The following TBPL2 variants were observed in gnomAD, a reference collection of about 807,000 sequenced individuals.
The protein encoded by TBPL2 is TATA-box binding protein like 2.
In TBPL2, 40 loss-of-function variants were observed where a neutral mutation model predicts 38.2. The observed-to-expected ratio is 1.05, with a 90% CI of 0.81 to 1.36. The LOEUF is 1.36. Ranked by LOEUF, TBPL2 falls within the 40% of genes most tolerant of loss-of-function variation. The pLI is 0.00. For missense variants in TBPL2, 461 were observed against 456.7 expected (o/e 1.01, Z -0.09); for synonymous variants, 169 against 171.7 (o/e 0.98, Z 0.12).
At chr14:55,417,852 C>T (rs1885690473) in intron 6 of TBPL2, among the ~76,000 whole-genome samples, 1 of 152,132 alleles carries the variant, frequency 6.6e-6, no homozygotes. Flanking sequence ...GCCTGGTGCA[C>T]TAGAGAAAGG....
At chr14:55,423,692 C>G (rs116158393) in intron 6 of TBPL2, among the ~76,000 whole-genome samples, 2,312 of 152,160 alleles carry the variant, frequency 0.015, 56 homozygotes, top group African/African-American at 0.053. Flanking sequence ...ATTTCAGAGC[C>G]CATTCCTTTA....
intron 6 of TBPL2, among the ~76,000 whole-genome samples, chr14:55,420,174 G>A (rs542756569): frequency 2.0e-5 from 3 of 152,154 alleles, no homozygotes; most frequent in Non-Finnish European, 4.4e-5. Context: ...AGGTTCAAGC[G>A]ATTCTCCTGC....
intron 5 of TBPL2, among the ~76,000 whole-genome samples, chr14:55,424,964 A>C (rs1023963727): frequency 1.3e-5 from 2 of 152,200 alleles, no homozygotes; most frequent in Non-Finnish European, 2.9e-5. Context: ...GAGGTGAATA[A>C]AACTATTCTC....
chr14:55,430,769 C>T (rs145797516), intron 4 of TBPL2, among the ~76,000 whole-genome samples: 2 of 152,354 alleles, frequency 1.3e-5, no homozygotes, highest in East Asian at 1.9e-4. Context: ...TCTTCACCCA[C>T]TTCTCACTCT....
chr14:55,432,953 T>C (rs1176229315), intron 4 of TBPL2, among the ~76,000 whole-genome samples: 1 of 152,134 alleles, frequency 6.6e-6, no homozygotes, highest in South Asian at 2.1e-4. Flanking sequence ...CTTTAGAAAG[T>C]TCTATCCATT....
At chr14:55,424,404 G>A (rs757618894) in intron 5 of TBPL2, 151 bp from the exon 6 acceptor site, 10 of 551,386 alleles carry the variant, frequency 1.8e-5, no homozygotes, top group Non-Finnish European at 2.9e-5. Context: ...TTGATGAAGA[G>A]TCTTGAGTGT....
At chr14:55,438,056 G>A (rs1192857209) in intron 1 of TBPL2, among the ~76,000 whole-genome samples, 3 of 152,204 alleles carry the variant, frequency 2.0e-5, no homozygotes, top group Admixed American at 6.5e-5. Context: ...AAATCGATTA[G>A]CTTGATAAAT....
chr14:55,425,171 T>G (rs1460377114), intron 5 of TBPL2, among the ~76,000 whole-genome samples: 1 of 152,206 alleles, frequency 6.6e-6, no homozygotes, highest in African/African-American at 2.4e-5. Flanking sequence ...GAAGTGAGTC[T>G]TGCCCATCTC....
intron 5 of TBPL2, among the ~76,000 whole-genome samples, chr14:55,428,216 A>G (rs8016831): frequency 0.3 from 41,245 of 137,316 alleles, 7,454 homozygotes; most frequent in African/African-American, 0.55. Context: ...TGCAAGCTCC[A>G]CCTCCTGGGT....
At chr14:55,431,443 C>T (rs1885923898) in intron 4 of TBPL2, among the ~76,000 whole-genome samples, 1 of 152,184 alleles carries the variant, frequency 6.6e-6, no homozygotes, top group Non-Finnish European at 1.5e-5. Flanking sequence ...TACAATGTGA[C>T]CATCCTTTCA....
intron 6 of TBPL2, among the ~76,000 whole-genome samples, chr14:55,419,706 A>G (rs1885715302): frequency 6.6e-6 from 1 of 152,178 alleles, no homozygotes; most frequent in East Asian, 1.9e-4. Context: ...ACCATTTTAT[A>G]TGGATAAATT....
At chr14:55,422,885 A>G (rs1885766324) in intron 6 of TBPL2, among the ~76,000 whole-genome samples, 1 of 152,090 alleles carries the variant, frequency 6.6e-6, no homozygotes. Context: ...ACAACAATAT[A>G]TATAGCAACC....
intron 5 of TBPL2, among the ~76,000 whole-genome samples, chr14:55,427,947 C>T (rs2140172152): frequency 7.6e-6 from 1 of 132,266 alleles, no homozygotes; most frequent in Admixed American, 8.1e-5. Context: ...GGCGCGATCT[C>T]TCACTGCAAG....
rs1209608567 is a variant in TBPL2, at chr14:55,436,961, A to G, written c.208T>C (p.Tyr70His). The G allele has an allele frequency of 1.2e-6, 2 of 1,614,232 alleles. No individual in the cohort carries two copies. Among genetic ancestry groups the G allele is most frequent in the East Asian group, 2.2e-5 (1 of 44,890 alleles). The change falls in exon 2 of 7, where the codon TAC becomes CAC. Residue 70 changes from tyrosine (Y) to histidine (H), a missense_variant. Physicochemically the swap from Tyr to His is moderately conservative, Grantham distance 83. Coordinates refer to ENST00000247219, the Ensembl canonical transcript of TBPL2. ...TCCGGATTGGATGCATTCAGTATGTACATATCATAAGGTACAACTGGGCTG... is the reference window on the plus strand; with the variant it reads ...TCCGGATTGGATGCATTCAGTATGTGCATATCATAAGGTACAACTGGGCTG...
At position 55,433,723 on chromosome 14, in the gene TBPL2, T is replaced by C. The variant is rs1885971449; in HGVS notation, c.697-2A>G. 1 of 1,613,402 alleles carries C rather than the reference T, an allele frequency of 6.2e-7. No homozygotes were observed. The highest frequency in any genetic ancestry group is 1.3e-5 in the African/African-American group (1 of 74,888). On this transcript the variant is annotated splice_acceptor_variant, in intron 3 of 6. Transcript: ENST00000247219. LOFTEE classifies it high-confidence loss of function. ...CCTCATTATGACAGCAGCAAACCTC[T>C]ATACCCAGAAACCAAAAGAGAATTA...
At chr14:55,436,779 T>G in exon 2 of TBPL2, 7 of 1,614,214 alleles carry the variant, frequency 4.3e-6, no homozygotes, top group Non-Finnish European at 5.9e-6. Flanking sequence ...ACCTACTTTG[T>G]GGACTTTGGC....
chr14:55,428,709 TA>T (rs1430276201), intron 5 of TBPL2, 97 bp downstream of exon 5: 1 of 1,306,254 alleles, frequency 7.7e-7, no homozygotes, highest in Non-Finnish European at 1.0e-6. Flanking sequence ...TTTTTTTTTT[TA>T]ATCACAATTT....
intron 4 of TBPL2, among the ~76,000 whole-genome samples, chr14:55,429,998 C>T (rs1194073579): frequency 1.3e-5 from 2 of 152,058 alleles, no homozygotes. Context: ...AATTCAAACT[C>T]AACACAAGAA....
At chr14:55,433,641 C>T (rs760796528) in exon 4 of TBPL2, 82 of 1,613,850 alleles carry the variant, frequency 5.1e-5, no homozygotes, top group Middle Eastern at 1.6e-4. Context: ...TTTTGGCTCC[C>T]GTGCAGACCA....
Sources: gnomAD v4.1 joint callset for allele counts (sites outside exome capture counted in the v4.1 genomes callset) on GRCh38, gnomAD v4.1.1 for gene constraint, MANE v1.5 for transcripts, NCBI Gene and HGNC (gene_info 2026-07-23, HGNC 2026-07-21) for gene names.